The following LHFPL3 variants were observed in gnomAD, a reference collection of about 807,000 sequenced individuals.
The protein encoded by LHFPL3 is LHFPL tetraspan subfamily member 3 protein.
Under a neutral mutation model 19.3 loss-of-function variants are expected in LHFPL3, and 5 were observed. That is an observed-to-expected ratio of 0.26 (90% CI 0.14 to 0.54). The LOEUF is 0.54. Ranked by LOEUF, LHFPL3 falls within the 20% of genes least tolerant of loss-of-function variation. The pLI is 0.94. For missense variants in LHFPL3, 249 were observed against 307.4 expected (o/e 0.81, Z 1.42); for synonymous variants, 133 against 126.2 (o/e 1.05, Z -0.36).
intron 2 of LHFPL3, among the ~76,000 whole-genome samples, chr7:104,822,834 CAG>C (rs967068249): frequency 2.6e-5 from 4 of 151,950 alleles, no homozygotes; most frequent in Non-Finnish European, 4.4e-5. Context: ...AATTTAAAGA[CAG>C]TGTTAAAAAA....
At chr7:104,521,973 G>C (rs1315473824) in intron 1 of LHFPL3, among the ~76,000 whole-genome samples, 66 of 152,064 alleles carry the variant, frequency 4.3e-4, no homozygotes, top group Non-Finnish European at 1.5e-5. Flanking sequence ...GTGGAAGTCA[G>C]TGTGGCGATT....
At chr7:104,753,908 G>C (rs1480624243) in intron 2 of LHFPL3, among the ~76,000 whole-genome samples, 1 of 152,188 alleles carries the variant, frequency 6.6e-6, no homozygotes, top group Non-Finnish European at 1.5e-5. Flanking sequence ...TTGCCTTCAC[G>C]TGCTGCCAGT....
At chr7:104,601,164 C>T (rs1238934425) in intron 1 of LHFPL3, among the ~76,000 whole-genome samples, 1 of 152,138 alleles carries the variant, frequency 6.6e-6, no homozygotes, top group Non-Finnish European at 1.5e-5. Flanking sequence ...AGAGATGTTT[C>T]ATAAAGGGCT....
chr7:104,637,162 G>A (rs1791743756), intron 1 of LHFPL3, among the ~76,000 whole-genome samples: 1 of 152,120 alleles, frequency 6.6e-6, no homozygotes, highest in Admixed American at 6.6e-5. Flanking sequence ...TCATATGCTT[G>A]TTGACTGCAC....
intron 1 of LHFPL3, among the ~76,000 whole-genome samples, chr7:104,674,032 CTT>C (rs755581153): frequency 5.3e-5 from 8 of 150,252 alleles, no homozygotes; most frequent in Non-Finnish European, 1.2e-4. Flanking sequence ...TTTTCCAAGA[CTT>C]TTCCAGGATC....
intron 1 of LHFPL3, among the ~76,000 whole-genome samples, chr7:104,687,104 T>C (rs1241981752): frequency 1.3e-5 from 2 of 152,214 alleles, no homozygotes; most frequent in Non-Finnish European, 2.9e-5. Context: ...TATATAGCTA[T>C]AAATCAGGGG....
chr7:104,849,112 G>A (rs1791368187), intron 2 of LHFPL3, among the ~76,000 whole-genome samples: 1 of 152,070 alleles, frequency 6.6e-6, no homozygotes, highest in East Asian at 1.9e-4. Flanking sequence ...TGTACTTTTA[G>A]TAGAGTTGGG....
intron 2 of LHFPL3, among the ~76,000 whole-genome samples, chr7:104,791,244 T>C (rs1360617837): frequency 1.3e-5 from 2 of 152,158 alleles, no homozygotes; most frequent in African/African-American, 2.4e-5. Flanking sequence ...TGATTGCTCA[T>C]AAAACAAACA....
At chr7:104,546,268 G>A (rs1022754393) in intron 1 of LHFPL3, among the ~76,000 whole-genome samples, 1 of 152,098 alleles carries the variant, frequency 6.6e-6, no homozygotes, top group Non-Finnish European at 1.5e-5. Flanking sequence ...TACCTCACTT[G>A]TAGTTTGTAT....
chr7:104,521,617 G>T (rs965776184), intron 1 of LHFPL3, among the ~76,000 whole-genome samples: 2 of 151,920 alleles, frequency 1.3e-5, no homozygotes, highest in Non-Finnish European at 2.9e-5. Context: ...CAAAATGGGA[G>T]AAAATTTTTG....
At chr7:104,705,766 G>C (rs563353904) in intron 1 of LHFPL3, among the ~76,000 whole-genome samples, 24 of 152,258 alleles carry the variant, frequency 1.6e-4, no homozygotes, top group African/African-American at 5.8e-4. Flanking sequence ...GGCAGACAGA[G>C]GCCTCTTGGG....
intron 1 of LHFPL3, among the ~76,000 whole-genome samples, chr7:104,517,563 A>G (rs1474044321): frequency 6.8e-6 from 1 of 146,184 alleles, no homozygotes; most frequent in Non-Finnish European, 1.5e-5. Context: ...CTGGAGTGCA[A>G]TGGTGTGTTC....
chr7:104,845,352 C>A (rs1212955061), intron 2 of LHFPL3: 2 of 1,271,656 alleles, frequency 1.6e-6, no homozygotes, highest in South Asian at 2.5e-5. Context: ...TTACCTTTAA[C>A]CGTTCTGTTT....
At chr7:104,896,668 T>C (rs1312378158) in intron 2 of LHFPL3, among the ~76,000 whole-genome samples, 1 of 152,082 alleles carries the variant, frequency 6.6e-6, no homozygotes, top group African/African-American at 2.4e-5. Flanking sequence ...ACATCCAGGG[T>C]GCTGGAGTGC....
chr7:104,837,710 G>A (rs997817828), intron 2 of LHFPL3, among the ~76,000 whole-genome samples: 6 of 151,910 alleles, frequency 3.9e-5, no homozygotes, highest in African/African-American at 1.5e-4. Context: ...TGAGATTTTG[G>A]TGCACCCATC....
At chr7:104,802,141 A>T (rs2116478562) in intron 2 of LHFPL3, among the ~76,000 whole-genome samples, 1 of 152,186 alleles carries the variant, frequency 6.6e-6, no homozygotes, top group South Asian at 2.1e-4. Context: ...AATGTGATAG[A>T]ATATAGGAGG....
At chr7:104,459,938 C>T (rs1792624884) in intron 1 of LHFPL3, among the ~76,000 whole-genome samples, 1 of 152,102 alleles carries the variant, frequency 6.6e-6, no homozygotes, top group African/African-American at 2.4e-5. Flanking sequence ...GTTTGTTGCA[C>T]AGATTACTTC....
At chr7:104,862,356 C>T (rs1791632586) in intron 2 of LHFPL3, among the ~76,000 whole-genome samples, 1 of 152,190 alleles carries the variant, frequency 6.6e-6, no homozygotes, top group Admixed American at 6.5e-5. Context: ...GGAGCTACTA[C>T]ATATTGCCAC....
chr7:104,667,882 A>G, intron 1 of LHFPL3: 2 of 1,612,362 alleles, frequency 1.2e-6, no homozygotes, highest in Admixed American at 3.3e-5. Context: ...GATGAAACGG[A>G]TGACCTGGAA....
Sources: gnomAD v4.1 joint callset for allele counts (sites outside exome capture counted in the v4.1 genomes callset) on GRCh38, gnomAD v4.1.1 for gene constraint, MANE v1.5 for transcripts, NCBI Gene and HGNC (gene_info 2026-07-23, HGNC 2026-07-21) for gene names.